CAMTA1: variants seen among roughly 807,000 people sequenced by gnomAD.
CAMTA1 encodes calmodulin binding transcription activator 1.
CAMTA1 carries 27 observed loss-of-function variants against 170.9 expected under a neutral mutation model. That is an observed-to-expected ratio of 0.16 (90% CI 0.12 to 0.22). CAMTA1 has a LOEUF of 0.22. Among genes scored for constraint, CAMTA1 ranks in the 10% least tolerant of loss-of-function variants. CAMTA1 has a pLI of 1.00. For missense variants in CAMTA1, 1,619 were observed against 2,217.2 expected (o/e 0.73, Z 5.42); for synonymous variants, 833 against 891.5 (o/e 0.93, Z 1.17).
intron 4 of CAMTA1, among the ~76,000 whole-genome samples, chr1:7,150,399 G>A (rs1397195797): frequency 6.6e-6 from 1 of 152,156 alleles, no homozygotes; most frequent in African/African-American, 2.4e-5. Flanking sequence ...CCATCAGAGC[G>A]GGGGCAAGCA....
At chr1:6,929,407 A>AG (rs1379784867) in intron 3 of CAMTA1, among the ~76,000 whole-genome samples, 2 of 150,208 alleles carry the variant, frequency 1.3e-5, no homozygotes, top group African/African-American at 4.9e-5. Context: ...TGTGTCGCCC[A>AG]GCTGGAGTGC....
intron 5 of CAMTA1, among the ~76,000 whole-genome samples, chr1:7,449,701 T>C (rs1434120543): frequency 7.7e-6 from 1 of 129,986 alleles, no homozygotes; most frequent in African/African-American, 3.0e-5. Context: ...ACCTGGGAGG[T>C]GGAGGTTGCA....
rs1352356364 is a variant in CAMTA1 at position 7,758,797 on chromosome 1, C to CGT, written c.4989+3130_4989+3131insTG. ...GAAAATACAAAAAATTAGCCGGTTG[C>CGT]GGTGGCGGGCGCCTGTAGTCCCAGC... On this transcript the variant is annotated intron_variant, in intron 22 of 22. Coordinates refer to ENST00000303635, the MANE Select transcript of CAMTA1 (RefSeq NM_015215.4). Among the ~76,000 whole-genome samples, 937 of 151,800 alleles carry CGT rather than the reference C, an allele frequency of 6.2e-3. 14 individuals carry two copies. The highest frequency in any genetic ancestry group is 0.041 in the East Asian group (211 of 5,144).
At chr1:7,001,754 G>A (rs914315140) in intron 3 of CAMTA1, among the ~76,000 whole-genome samples, 7 of 152,180 alleles carry the variant, frequency 4.6e-5, no homozygotes, top group South Asian at 2.1e-4. Context: ...CATCACCAAC[G>A]TGGCTTCTGA....
At position 7,665,646 on chromosome 1, in the gene CAMTA1, T is replaced by C. The variant is rs1342501242; in HGVS notation, c.2652+447T>C. ...CGGAGGAGCACTTGAGCCCAAGAGG[T>C]TGAGGCTGCAGTGAGCTGTGGTTGT... On this transcript the variant is annotated intron_variant, in intron 9 of 22. Transcript: ENST00000303635. The surrounding 1 kb of genome is among the most constrained non-coding windows in gnomAD (Gnocchi z 4.3). Among the ~76,000 whole-genome samples, 1 of 152,008 alleles carries C rather than the reference T, an allele frequency of 6.6e-6. No individual in the cohort carries two copies. The highest frequency in any genetic ancestry group is 2.4e-5 in the African/African-American group (1 of 41,390).
intron 6 of CAMTA1, among the ~76,000 whole-genome samples, chr1:7,535,351 C>T (rs569809571): frequency 3.9e-5 from 6 of 152,322 alleles, no homozygotes; most frequent in African/African-American, 1.4e-4. Flanking sequence ...CCCGCCTCCA[C>T]CCCCAGGTCT....
intron 6 of CAMTA1, among the ~76,000 whole-genome samples, chr1:7,601,207 G>A (rs919921774): frequency 1.5e-4 from 23 of 150,796 alleles, no homozygotes; most frequent in African/African-American, 4.9e-4. Flanking sequence ...GGGCGGAGAC[G>A]CTCCTCACTT....
At chr1:6,787,593 A>G (rs1210920093) in intron 1 of CAMTA1, among the ~76,000 whole-genome samples, 1 of 152,224 alleles carries the variant, frequency 6.6e-6, no homozygotes, top group South Asian at 2.1e-4. Context: ...TTTATGTGTA[A>G]TGATACAGAT....
At chr1:6,969,444 G>A (rs2149573624) in intron 3 of CAMTA1, among the ~76,000 whole-genome samples, 1 of 152,266 alleles carries the variant, frequency 6.6e-6, no homozygotes, top group Non-Finnish European at 1.5e-5. Context: ...GCTTGCCCTG[G>A]AACCTGGTCC....
intron 4 of CAMTA1, among the ~76,000 whole-genome samples, chr1:7,167,664 T>G (rs1648759939): frequency 6.6e-6 from 1 of 152,192 alleles, no homozygotes; most frequent in African/African-American, 2.4e-5. Flanking sequence ...AGATTTTGAT[T>G]GGAATTACAT....
At chr1:7,629,523 G>T (rs1462186274) in intron 6 of CAMTA1, among the ~76,000 whole-genome samples, 1 of 152,226 alleles carries the variant, frequency 6.6e-6, no homozygotes, top group Non-Finnish European at 1.5e-5. Flanking sequence ...ACCTCCCTGA[G>T]CTCCAGAGTG....
intron 3 of CAMTA1, among the ~76,000 whole-genome samples, chr1:7,042,677 T>C (rs963300218): frequency 2.6e-5 from 4 of 152,182 alleles, no homozygotes; most frequent in Non-Finnish European, 5.9e-5. Flanking sequence ...TCGCATTTGC[T>C]CTGGAAGCAT....
chr1:7,014,886 T>C lies in CAMTA1; in HGVS notation c.235-76418T>C, dbSNP rs1700314997. ...TGAATGCCTGGAGTTGTTTGTATAA[T>C]TGGGGCTCTGTGTGTCTTTTTTTGG... is the stretch of plus-strand genomic sequence containing the variant. On this transcript the variant is annotated intron_variant, in intron 3 of 22. Transcript: ENST00000303635. This position sits in a 1 kb window ranked among gnomAD's most constrained non-coding sequence, Gnocchi z 4.2. 2.0e-5 allele frequency among the ~76,000 whole-genome samples: 3 copies of C among 152,122 alleles called. No homozygotes were observed. The South Asian group carries it at 6.2e-4, about 32-fold the overall frequency.
chr1:7,709,028 A>T (rs1393389846), intron 11 of CAMTA1, among the ~76,000 whole-genome samples: 1 of 152,174 alleles, frequency 6.6e-6, no homozygotes, highest in Non-Finnish European at 1.5e-5. Flanking sequence ...CCCCATCCTC[A>T]GCCACACAGC....
intron 5 of CAMTA1, among the ~76,000 whole-genome samples, chr1:7,266,382 T>A (rs1668932883): frequency 6.6e-6 from 1 of 152,252 alleles, no homozygotes; most frequent in African/African-American, 2.4e-5. Context: ...CAGAGCCCTT[T>A]CCCTCATAAG....
chr1:7,314,245 G>A (rs562263366), intron 5 of CAMTA1, among the ~76,000 whole-genome samples: 19 of 152,230 alleles, frequency 1.2e-4, no homozygotes, highest in African/African-American at 4.6e-4. Flanking sequence ...ACTGAAGCAG[G>A]GTCCTCCAGC....
At chr1:6,958,783 G>A (rs1689903299) in intron 3 of CAMTA1, among the ~76,000 whole-genome samples, 1 of 152,126 alleles carries the variant, frequency 6.6e-6, no homozygotes, top group Admixed American at 6.5e-5. Context: ...GCGTTGCTGT[G>A]TGGCTCACCC....
chr1:6,841,099 T>G (rs1284653547), intron 3 of CAMTA1, among the ~76,000 whole-genome samples: 2 of 152,186 alleles, frequency 1.3e-5, no homozygotes, highest in Non-Finnish European at 2.9e-5. Context: ...TGTGGCTCCC[T>G]CCTTCATCCT....
chr1:7,722,669 C>T (rs1431714960), intron 11 of CAMTA1, among the ~76,000 whole-genome samples: 1 of 151,922 alleles, frequency 6.6e-6, no homozygotes, highest in Non-Finnish European at 1.5e-5. Context: ...AGGAGTTAAA[C>T]CTGAAGGTCT....
Sources: gnomAD v4.1 joint callset for allele counts (sites outside exome capture counted in the v4.1 genomes callset) on GRCh38, gnomAD v4.1.1 for gene constraint, Gnocchi (gnomAD v3.1) non-coding constraint, MANE v1.5 for transcripts, NCBI Gene and HGNC (gene_info 2026-07-23, HGNC 2026-07-21) for gene names.